The following PTPRG variants were observed in gnomAD, a reference collection of about 807,000 sequenced individuals.
PTPRG encodes the protein protein tyrosine phosphatase receptor type G.
A neutral mutation model predicts 165.3 loss-of-function variants in PTPRG; 102 were observed. That is an observed-to-expected ratio of 0.62 (90% CI 0.53 to 0.73). The LOEUF (loss-of-function observed/expected upper bound fraction) is 0.73. PTPRG is among the 30% of genes least tolerant of loss of function. The pLI is 0.00. For missense variants in PTPRG, 1,866 were observed against 1,861.4 expected (o/e 1.00, Z -0.05); for synonymous variants, 675 against 669.5 (o/e 1.01, Z -0.13).
chr3:62,181,341 C>T (rs1275397455), intron 8 of PTPRG, among the ~76,000 whole-genome samples: 1 of 152,176 alleles, frequency 6.6e-6, no homozygotes, highest in East Asian at 1.9e-4. Context: ...GGCCACTCTC[C>T]TCCTCATTCC....
At chr3:62,086,790 T>C (rs1436597197) in intron 5 of PTPRG, among the ~76,000 whole-genome samples, 1 of 152,228 alleles carries the variant, frequency 6.6e-6, no homozygotes, top group Non-Finnish European at 1.5e-5. Context: ...CCAGAGTCAT[T>C]CTTAATGTTC....
At chr3:61,784,710 A>G (rs868104063) in intron 2 of PTPRG, among the ~76,000 whole-genome samples, 22 of 152,190 alleles carry the variant, frequency 1.4e-4, no homozygotes, top group Middle Eastern at 3.2e-3. Context: ...TTTTACATGT[A>G]GAAGCAAATA....
intron 2 of PTPRG, among the ~76,000 whole-genome samples, chr3:61,926,461 G>T (rs894965840): frequency 1.3e-5 from 2 of 151,952 alleles, no homozygotes; most frequent in South Asian, 4.2e-4. Context: ...AGTTTACTGA[G>T]GCCTTCCCAG....
chr3:61,625,180 A>G (rs1701572461), intron 1 of PTPRG, among the ~76,000 whole-genome samples: 1 of 151,804 alleles, frequency 6.6e-6, no homozygotes, highest in Admixed American at 6.6e-5. Flanking sequence ...GTAAGGTCAC[A>G]TTCGGAGATA....
At chr3:61,644,822 T>A (rs1334348624) in intron 1 of PTPRG, among the ~76,000 whole-genome samples, 2 of 152,218 alleles carry the variant, frequency 1.3e-5, no homozygotes, top group Non-Finnish European at 1.5e-5. Context: ...AAGCTTTAGA[T>A]TGCTGGAACT....
At chr3:61,942,548 A>G (rs1214598711) in intron 2 of PTPRG, among the ~76,000 whole-genome samples, 3 of 152,188 alleles carry the variant, frequency 2.0e-5, no homozygotes, top group Non-Finnish European at 4.4e-5. Context: ...ACATTTGCAT[A>G]TCTTATTTAA....
At chr3:61,979,051 T>C (rs773536806) in intron 2 of PTPRG, among the ~76,000 whole-genome samples, 4 of 152,230 alleles carry the variant, frequency 2.6e-5, no homozygotes, top group Non-Finnish European at 5.9e-5. Flanking sequence ...AGATAAAATG[T>C]AGAAAGTTTT....
intron 2 of PTPRG, among the ~76,000 whole-genome samples, chr3:61,813,691 A>G (rs183098763): frequency 1.4e-4 from 21 of 151,712 alleles, no homozygotes; most frequent in African/African-American, 4.6e-4. Context: ...AATGTATACT[A>G]TGTTCTTGGC....
intron 5 of PTPRG, among the ~76,000 whole-genome samples, chr3:62,126,207 G>C (rs1234286254): frequency 6.6e-6 from 1 of 152,218 alleles, no homozygotes; most frequent in East Asian, 1.9e-4. Context: ...AGCCAAGTCT[G>C]ACAATGAGAT....
chr3:61,737,617 A>G (rs569861530), intron 1 of PTPRG, among the ~76,000 whole-genome samples: 4 of 152,222 alleles, frequency 2.6e-5, no homozygotes, highest in African/African-American at 9.6e-5. Flanking sequence ...TCTGGAAGTC[A>G]GAGGTCTTTG....
intron 1 of PTPRG, among the ~76,000 whole-genome samples, chr3:61,729,169 C>T (rs1467775985): frequency 6.6e-6 from 1 of 152,162 alleles, no homozygotes; most frequent in Non-Finnish European, 1.5e-5. Flanking sequence ...TGATATCTGG[C>T]ATCCCAGCTG....
intron 2 of PTPRG, among the ~76,000 whole-genome samples, chr3:61,915,176 C>G (rs540847182): frequency 8.5e-5 from 13 of 152,318 alleles, no homozygotes; most frequent in Admixed American, 5.9e-4. Flanking sequence ...TTGCAGTAGG[C>G]TGAGATCAAG....
At chr3:62,200,017 A>ATG (rs1425567904) in intron 10 of PTPRG, among the ~76,000 whole-genome samples, 3 of 152,216 alleles carry the variant, frequency 2.0e-5, no homozygotes, top group African/African-American at 7.2e-5. Context: ...ACAAATATGT[A>ATG]TGATTCCACT....
At position 62,272,971 on chromosome 3, in the gene PTPRG, TATATTGTAATAGACAGC is replaced by T; in HGVS notation, c.3211_3227del (p.Ile1071AlafsTer11). 1 of 1,613,222 alleles carries T rather than the reference TATATTGTAATAGACAGC, an allele frequency of 6.2e-7. No homozygotes were observed. The highest frequency in any genetic ancestry group is 8.5e-7 in the Non-Finnish European group (1 of 1,179,548). ...TGCTGGTGTGGGCAGAACAGGCACC[TATATTGTAATAGACAGC>T]ATGCTGCAACAGATAAAAGACAAAA... On this transcript the variant is annotated frameshift_variant, in exon 22 of 30. Transcript: ENST00000474889. LOFTEE classifies it high-confidence loss of function.
At chr3:62,084,874 C>T (rs377049929) in intron 5 of PTPRG, among the ~76,000 whole-genome samples, 1 of 152,176 alleles carries the variant, frequency 6.6e-6, no homozygotes, top group Non-Finnish European at 1.5e-5. Context: ...ATCATTATGT[C>T]TCTTACACAC....
At position 62,241,112 on chromosome 3, in the gene PTPRG, T is replaced by C. The variant is rs1039678682; in HGVS notation, c.2376-2695T>C. On this transcript the variant is annotated intron_variant, in intron 14 of 29. Transcript: ENST00000474889. ...TTTTGGGTGTTTTTAATTGATTTTT[T>C]TCTTTTTGTTCATTTGTCTTGCCTA... Among the ~76,000 whole-genome samples, 6 of 152,298 alleles carry C rather than the reference T, an allele frequency of 3.9e-5. No homozygotes were observed. In the East Asian group the frequency reaches 9.7e-4, roughly 25 times the overall value.
At chr3:62,037,909 C>G (rs1293129357) in intron 4 of PTPRG, among the ~76,000 whole-genome samples, 1 of 152,098 alleles carries the variant, frequency 6.6e-6, no homozygotes, top group Non-Finnish European at 1.5e-5. Flanking sequence ...AATTACTTCC[C>G]AAAGGTCTCA....
intron 5 of PTPRG, among the ~76,000 whole-genome samples, chr3:62,093,571 T>C (rs349158): frequency 0.2 from 29,814 of 152,162 alleles, 2,965 homozygotes; most frequent in South Asian, 0.28. Context: ...TTGGAGGATA[T>C]GACTGGCACC....
In PTPRG at chr3:62,157,143, A is replaced by G; in HGVS notation, c.759A>G (p.Thr253=). The G allele has an allele frequency of 6.2e-7, 1 of 1,613,654 alleles. No homozygotes were observed. The highest frequency in any genetic ancestry group is 8.5e-7 in the Non-Finnish European group (1 of 1,179,644). Residue 253 remains threonine, a synonymous_variant, in exon 7 of 30, where the codon ACA becomes ACG. Coordinates refer to ENST00000474889, the MANE Select transcript of PTPRG (RefSeq NM_002841.4). ...PASLGSYYRY[T]GSLTTPPCSE... ...CCCTGGGCAGCTATTATCGGTACAC[A>G]GGTTCCTTGACCACACCACCGTGTA... is the stretch of plus-strand genomic sequence containing the variant.
Sources: gnomAD v4.1 joint callset for allele counts (sites outside exome capture counted in the v4.1 genomes callset) on GRCh38, gnomAD v4.1.1 for gene constraint, MANE v1.5 for transcripts, NCBI Gene and HGNC (gene_info 2026-07-23, HGNC 2026-07-21) for gene names.